The following CD33 variants were observed in gnomAD, a reference collection of about 807,000 sequenced individuals.
CD33 encodes the protein myeloid cell surface antigen CD33.
Under a neutral mutation model 31.4 loss-of-function variants are expected in CD33, and 25 were observed. The observed-to-expected ratio is 0.80, with a 90% CI of 0.58 to 1.11. The LOEUF is 1.11. Ranked by LOEUF, CD33 falls within the 50% of genes most tolerant of loss-of-function variation. CD33 has a pLI of 0.00. For missense variants in CD33, 407 were observed against 448.1 expected (o/e 0.91, Z 0.83); for synonymous variants, 176 against 180.6 (o/e 0.97, Z 0.20).
chr19:51,239,569 T>C lies in CD33; in HGVS notation c.976T>C (p.Ser326Pro), dbSNP rs1403783565. 7 of 1,613,268 alleles carry C rather than the reference T, an allele frequency of 4.3e-6. No individual in the cohort carries two copies. The Admixed American group carries it at 8.3e-5, about 19-fold the overall frequency. The change falls in exon 7 of 7, where the codon TCA becomes CCA. Residue 326 changes from serine (S) to proline (P), a missense_variant. Coordinates refer to ENST00000262262, the MANE Select transcript of CD33 (RefSeq NM_001772.4). ...TGGCCCCACTGAAACCTCAAGCTGT[T>C]CAGGTGCCGCCCCTACTGTGGAGAT... ...LHGPTETSSC[S>P]GAAPTVEMDE... is the part of the protein sequence containing the mutation.
chr19:51,214,201 C>CT, the CD33 span, among the ~76,000 whole-genome samples: 4,283 of 98,034 alleles, frequency 0.044, 140 homozygotes, highest in African/African-American at 0.092. Context: ...TCTTTTCTTT[C>CT]TTTTTTTTTT....
intron 4 of CD33, among the ~76,000 whole-genome samples, chr19:51,228,824 C>G (rs1373175487): frequency 6.6e-6 from 1 of 152,092 alleles, no homozygotes; most frequent in Non-Finnish European, 1.5e-5. Flanking sequence ...CTGGCCAAGT[C>G]TTTAGGTTTT....
intron 5 of CD33, 155 bp from the exon 6 acceptor site, chr19:51,235,440 G>A: frequency 1.5e-6 from 2 of 1,377,706 alleles, no homozygotes; most frequent in East Asian, 2.5e-5. Flanking sequence ...TGTCCAAGGA[G>A]TGGGAGGTAG....
the CD33 span, among the ~76,000 whole-genome samples, chr19:51,213,901 C>T: frequency 6.7e-6 from 1 of 148,690 alleles, no homozygotes; most frequent in South Asian, 2.1e-4. Context: ...GCTCTGTCGC[C>T]CAGGCTTGAC....
intron 4 of CD33, among the ~76,000 whole-genome samples, chr19:51,231,701 T>A (rs1172899954): frequency 6.6e-6 from 1 of 151,920 alleles, no homozygotes; most frequent in African/African-American, 2.4e-5. Flanking sequence ...TTTTGCCTTT[T>A]CACTTCCAGA....
intron 1 of CD33, 26 bp from the exon 2 acceptor site, chr19:51,225,192 C>G (rs770886754): frequency 3.8e-5 from 62 of 1,613,040 alleles, no homozygotes; most frequent in Middle Eastern, 1.6e-4. Flanking sequence ...TCGGGCTGGG[C>G]CGAGCTGACC....
the CD33 span, chr19:51,211,215 G>A: frequency 1.3e-6 from 2 of 1,572,348 alleles, no homozygotes; most frequent in African/African-American, 2.7e-5. Context: ...CAGGGGCCCT[G>A]GCTATGGATC....
chr19:51,221,599 T>C (rs1340969224), upstream of CD33, among the ~76,000 whole-genome samples: 1 of 152,242 alleles, frequency 6.6e-6, no homozygotes, highest in African/African-American at 2.4e-5. Context: ...CAATTTCTTA[T>C]AAATTTAAAC....
chr19:51,224,001 A>C (rs1980814329), upstream of CD33, among the ~76,000 whole-genome samples: 1 of 152,190 alleles, frequency 6.6e-6, no homozygotes, highest in Non-Finnish European at 1.5e-5. Context: ...CTATACACAA[A>C]GGCTCACTGT....
At chr19:51,211,278 C>T in the CD33 span, 13 of 1,568,356 alleles carry the variant, frequency 8.3e-6, no homozygotes, top group African/African-American at 5.4e-5. Flanking sequence ...AGGGTTTGTG[C>T]GTCCTCGTGC....
intron 4 of CD33, among the ~76,000 whole-genome samples, chr19:51,229,129 A>G (rs1021070406): frequency 2.0e-5 from 3 of 152,132 alleles, no homozygotes; most frequent in Non-Finnish European, 4.4e-5. Context: ...CATGCTTTTT[A>G]TTCTGCAACT....
chr19:51,235,269 G>A lies in CD33; in HGVS notation c.842+16G>A. ...TCTTCTTCATGTGAGCATTTTCTCT[G>A]GGTCAGGCATGGGCCAGAGGTGAAG... On this transcript the variant is annotated intron_variant, in intron 5 of 6. Transcript: ENST00000262262. 3.7e-6 allele frequency: 6 copies of A among 1,610,448 alleles called. No homozygotes were observed. The highest frequency in any genetic ancestry group is 5.1e-6 in the Non-Finnish European group (6 of 1,176,736).
intron 4 of CD33, among the ~76,000 whole-genome samples, chr19:51,228,104 T>C (rs959815671): frequency 6.6e-6 from 1 of 152,224 alleles, no homozygotes; most frequent in African/African-American, 2.4e-5. Flanking sequence ...TATCATGCTG[T>C]TTTGGTTACT....
chr19:51,219,602 C>T, the CD33 span, among the ~76,000 whole-genome samples: 5 of 152,168 alleles, frequency 3.3e-5, no homozygotes, highest in South Asian at 1.0e-3. Flanking sequence ...TGTCTTGTTC[C>T]AGTTCTTAGG....
At chr19:51,237,292 G>C (rs995377622) in intron 6 of CD33, 2 of 152,142 alleles carry the variant, frequency 1.3e-5, no homozygotes, top group Non-Finnish European at 2.9e-5. Flanking sequence ...AGGTCCTTGT[G>C]CCATTCTGTA....
Position 51,226,044 on chromosome 19 carries a change from T to C in CD33, c.660T>C (p.Gly220=). Residue 220 remains glycine, a synonymous_variant, in exon 3 of 7, where the codon GGT becomes GGC. Coordinates refer to ENST00000262262, the MANE Select transcript of CD33 (RefSeq NM_001772.4). The part of the protein sequence containing the change: ...LTCQVKFAGA[G]VTTERTIQLN... ...GTCAGGTGAAGTTCGCTGGAGCTGG[T>C]GTGACTACGGAGAGAACCATCCAGC... is the stretch of plus-strand genomic sequence containing the variant. The C allele has an allele frequency of 6.2e-7, 1 of 1,614,000 alleles. No individual in the cohort carries two copies. The highest frequency in any genetic ancestry group is 8.5e-7 in the Non-Finnish European group (1 of 1,179,948).
chr19:51,239,614 GCTTCCCTCAACTTTCATGGGATGAATC>G lies in CD33; in HGVS notation c.1027_1053del (p.Leu343_Ser351del), dbSNP rs1982034586. ...GGAGATGGATGAGGAGCTGCATTAT[GCTTCCCTCAACTTTCATGGGATGAATC>G]CTTCCAAGGACACCTCCACCGAATA... On this transcript the variant is annotated inframe_deletion, in exon 7 of 7. Coordinates refer to ENST00000262262, the MANE Select transcript of CD33 (RefSeq NM_001772.4). The G allele has an allele frequency of 6.2e-7, 1 of 1,613,656 alleles. No homozygotes were observed. Among genetic ancestry groups the G allele is most frequent in the Admixed American group, 1.7e-5 (1 of 59,940 alleles).
upstream of CD33, among the ~76,000 whole-genome samples, chr19:51,224,454 C>T (rs981504772): frequency 6.6e-6 from 1 of 152,184 alleles, no homozygotes; most frequent in African/African-American, 2.4e-5. Flanking sequence ...TCTGCTCTTT[C>T]TGGTTGCTTG....
At position 51,225,434 on chromosome 19, in the gene CD33, A is replaced by G; in HGVS notation, c.254A>G (p.Glu85Gly). 1.2e-6 allele frequency: 2 copies of G among 1,614,170 alleles called. No homozygotes were observed. The highest frequency in any genetic ancestry group is 2.2e-5 in the South Asian group (2 of 91,084). ...TNKLDQEVQE[E>G]TQGRFRLLGD... ...AAGCTAGATCAAGAAGTACAGGAGG[A>G]GACTCAGGGCAGATTCCGCCTCCTT... is the stretch of plus-strand genomic sequence containing the variant. The change falls in exon 2 of 7, where the codon GAG (glutamate) becomes GGG (glycine). Residue 85 changes from glutamate (E) to glycine (G), a missense_variant. Physicochemically the swap from Glu to Gly is moderately conservative, Grantham distance 98 (BLOSUM62 -2). Coordinates refer to ENST00000262262, the MANE Select transcript of CD33 (RefSeq NM_001772.4).
Sources: gnomAD v4.1 joint callset for allele counts (sites outside exome capture counted in the v4.1 genomes callset) on GRCh38, gnomAD v4.1.1 for gene constraint, MANE v1.5 for transcripts, NCBI Gene and HGNC (gene_info 2026-07-23, HGNC 2026-07-21) for gene names.